The following PLD2 variants were observed in gnomAD, a reference collection of about 807,000 sequenced individuals.
PLD2 encodes phospholipase D2.
In PLD2, 101 loss-of-function variants were observed where a neutral mutation model predicts 119.8. The ratio of observed to expected loss-of-function variants is 0.84; its 90% CI spans 0.72 to 0.99. PLD2 has a LOEUF of 0.99. PLD2 is among the 50% of genes least tolerant of loss of function. The pLI is 0.00. For missense variants in PLD2, 1,164 were observed against 1,226.8 expected (o/e 0.95, Z 0.76); for synonymous variants, 494 against 482.8 (o/e 1.02, Z -0.30).
intron 24 of PLD2, 86 bp from the exon 25 acceptor site, chr17:4,822,554 A>T: frequency 1.2e-6 from 1 of 858,436 alleles, no homozygotes; most frequent in Non-Finnish European, 1.8e-6. Context: ...GAGAGATGGT[A>T]TGGGGGAAGG....
rs770489894 is a variant in PLD2 at position 4,819,164 on chromosome 17, C to T, written c.2254C>T (p.Leu752Phe). The T allele has an allele frequency of 1.9e-5, 30 of 1,614,136 alleles. 1 individual carries two copies. The South Asian group carries it at 3.1e-4, about 17-fold the overall frequency. The change falls in exon 22 of 25, where the codon CTC becomes TTC. Residue 752 changes from leucine to phenylalanine, a missense_variant. Leu to Phe is a conservative substitution (Grantham distance 22). Coordinates refer to ENST00000263088, the MANE Select transcript of PLD2 (RefSeq NM_002663.5). This position sits in a 1 kb window ranked among gnomAD's most constrained non-coding sequence, Gnocchi z 4.2. ...GCTGGGCGGGCACCCCGTCTCGGAG[C>T]TCATCTACATCCACAGCAAGGTGCT... ...GELGGHPVSE[L>F]IYIHSKVLIA...
rs1241568783 is a variant in PLD2, at chr17:4,808,298, G to C, written c.265G>C (p.Val89Leu). ...SKVGTCTLYS[V>L]RLTHGDFSWT... ...GGTGGGAACCTGCACTCTGTATTCT[G>C]TCCGCTTGACTCACGGCGACTTTTC... The change falls in exon 4 of 25, where the codon GTC becomes CTC. Residue 89 changes from valine (V) to leucine (L), a missense_variant. Physicochemically the swap from Val to Leu is conservative, Grantham distance 32. Transcript: ENST00000263088. This position sits in a 1 kb window ranked among gnomAD's most constrained non-coding sequence, Gnocchi z 4.1. The C allele has an allele frequency of 6.2e-7, 1 of 1,614,092 alleles. No individual in the cohort carries two copies. The highest frequency in any genetic ancestry group is 8.5e-7 in the Non-Finnish European group (1 of 1,179,976).
rs200658185 is a variant in PLD2 at position 4,818,027 on chromosome 17, C to A, written c.1841C>A (p.Ser614Ter). 1 of 1,613,694 alleles carries A rather than the reference C, an allele frequency of 6.2e-7. No individual in the cohort carries two copies. Among genetic ancestry groups the A allele is most frequent in the Non-Finnish European group, 8.5e-7 (1 of 1,179,564 alleles). ...VQVLRSVDRW[S>*]AGTLENSILN... ...GTCTTGCGATCAGTGGACCGCTGGT[C>A]AGCAGGGACTCTGGAGAACTCCATC... Residue 614 changes from serine to a stop codon, truncating the protein, a stop_gained, in exon 18 of 25, where the codon TCA (serine) becomes TAA (stop). Transcript: ENST00000263088. LOFTEE classifies it high-confidence loss of function.
rs1907408488 is a variant in PLD2, at chr17:4,819,425, C to G, written c.2309-4C>G. ...GCACACAGTGTGCCCCGCATCCACC[C>G]CAGGTTCTGCAAACATCAATGACCG... On this transcript the variant is annotated splice_polypyrimidine_tract_variant and splice_region_variant and intron_variant, in intron 22 of 24. Transcript: ENST00000263088. This position sits in a 1 kb window ranked among gnomAD's most constrained non-coding sequence, Gnocchi z 4.2. The G allele has an allele frequency of 6.2e-7, 1 of 1,613,048 alleles. No homozygotes were observed. The highest frequency in any genetic ancestry group is 8.5e-7 in the Non-Finnish European group (1 of 1,179,534).
chr17:4,811,297 C>CTTTTT lies in PLD2; in HGVS notation c.1010+363_1010+367dup, dbSNP rs35190261. 8.1e-4 allele frequency among the ~76,000 whole-genome samples: 63 copies of CTTTTT among 77,752 alleles called. 1 individual carries two copies. Among genetic ancestry groups the CTTTTT allele is most frequent in the African/African-American group, 1.7e-3 (35 of 20,400 alleles). The allele number at this position is 77,752 out of a possible 152,430, so 51.0% of individuals were successfully genotyped here. ...CTTCATTTAATAAACATTTTCTTTT[C>CTTTTT]TTTTTTTTTTTTTTTTTTTTTGAGA... On this transcript the variant is annotated intron_variant, in intron 10 of 24. Transcript: ENST00000263088.
At chr17:4,821,195 C>T (rs567287045) in intron 23 of PLD2, among the ~76,000 whole-genome samples, 63 of 124,302 alleles carry the variant, frequency 5.1e-4, no homozygotes, top group African/African-American at 2.2e-3. Context: ...AGCCACCGTG[C>T]CCGGCCAAAA....
At chr17:4,814,364 C>T in intron 10 of PLD2, 54 bp from the exon 11 acceptor site, 1 of 1,565,920 alleles carries the variant, frequency 6.4e-7, no homozygotes, top group East Asian at 2.3e-5. Context: ...CTTCACTCTC[C>T]AGAGCTTTCT....
chr17:4,807,667 G>A lies in PLD2; in HGVS notation c.-1-105G>A. ...CATCCGCGGGCGGTCAGGAGGCCGT[G>A]GGGGAAGAGGAGGATCTGGAAGAGA... On this transcript the variant is annotated intron_variant, in intron 1 of 24. Transcript: ENST00000263088. This position sits in a 1 kb window ranked among gnomAD's most constrained non-coding sequence, Gnocchi z 5.4. 1.4e-6 allele frequency: 1 copy of A among 690,576 alleles called. No individual in the cohort carries two copies. The highest frequency in any genetic ancestry group is 2.5e-6 in the Non-Finnish European group (1 of 398,528). 42.8% of individuals were successfully genotyped at this position (690,576 alleles called of 1,614,324 possible).
Position 4,817,078 on chromosome 17 carries a change from G to A in PLD2, c.1701+23G>A, listed in dbSNP as rs575046098. 4.4e-6 allele frequency: 7 copies of A among 1,608,150 alleles called. No individual in the cohort carries two copies. In the South Asian group the frequency reaches 4.4e-5, roughly 10 times the overall value. ...AAGGTGTTCATTCCCTCCGATAGGG[G>A]CTGGAGGTAGGGAGGGAGCCAGGGC... is the stretch of plus-strand genomic sequence containing the variant. On this transcript the variant is annotated intron_variant, in intron 16 of 24. Transcript: ENST00000263088.
chr17:4,815,693 C>T (rs1161944560), intron 13 of PLD2, 71 bp from the exon 14 acceptor site: 2 of 1,599,860 alleles, frequency 1.3e-6, no homozygotes, highest in Non-Finnish European at 1.7e-6. Context: ...CATCTTTCCT[C>T]TCTCCCTCCC....
At position 4,809,346 on chromosome 17, in the gene PLD2, C is replaced by T. The variant is rs138074240; in HGVS notation, c.538C>T (p.Arg180Cys). 2.7e-4 allele frequency: 431 copies of T among 1,614,030 alleles called. 1 individual carries two copies. The highest frequency in any genetic ancestry group is 1.1e-3 in the African/African-American group (80 of 75,060). ...LNRLLTMSFY[R>C]NYHAMTEFLE... ...CCGTCTCTTGACCATGTCTTTCTAT[C>T]GCAACTACCATGCCATGGTAAGGTC... is the stretch of plus-strand genomic sequence containing the variant. Residue 180 changes from arginine (R) to cysteine (C), a missense_variant, in exon 6 of 25, where the codon CGC (arginine) becomes TGC (cysteine). Physicochemically the swap from Arg to Cys is radical, Grantham distance 180 (BLOSUM62 -3). Coordinates refer to ENST00000263088, the MANE Select transcript of PLD2 (RefSeq NM_002663.5).
intron 9 of PLD2, among the ~76,000 whole-genome samples, chr17:4,810,415 C>T (rs539428533): frequency 2.6e-4 from 40 of 152,176 alleles, no homozygotes; most frequent in African/African-American, 8.2e-4. Flanking sequence ...GAGGCCGAGG[C>T]GGGTGGATCA....
Position 4,819,602 on chromosome 17 carries a change from C to T in PLD2, c.2462+20C>T. The T allele has an allele frequency of 6.3e-7, 1 of 1,593,350 alleles. No homozygotes were observed. Among genetic ancestry groups the T allele is most frequent in the Non-Finnish European group, 8.6e-7 (1 of 1,168,166 alleles). ...CTTCGGGTAGAGCTGGGGCGGGATG[C>T]CACAGGGTGGGAGGGAGATGGGGGC... On this transcript the variant is annotated intron_variant, in intron 23 of 24. Coordinates refer to ENST00000263088, the MANE Select transcript of PLD2 (RefSeq NM_002663.5). This position sits in a 1 kb window ranked among gnomAD's most constrained non-coding sequence, Gnocchi z 4.2.
rs778318804 is a variant in PLD2, at chr17:4,819,384, A to C, written c.2309-45A>C. 1.2e-6 allele frequency: 2 copies of C among 1,608,938 alleles called. No homozygotes were observed. Among genetic ancestry groups the C allele is most frequent in the African/African-American group, 2.7e-5 (2 of 74,622 alleles). ...GTAGAGGGGATGGGGTACTGGGGAG[A>C]GTGCCCTGGGCCCAAGCACACAGTG... On this transcript the variant is annotated intron_variant, in intron 22 of 24. Transcript: ENST00000263088. This position sits in a 1 kb window ranked among gnomAD's most constrained non-coding sequence, Gnocchi z 4.2.
intron 20 of PLD2, 45 bp downstream of exon 20, chr17:4,818,652 C>G (rs759128808): frequency 6.4e-7 from 1 of 1,552,772 alleles, no homozygotes; most frequent in Non-Finnish European, 8.9e-7. Context: ...CCCATCCCAC[C>G]CGTGTCCCCC....
Position 4,822,675 on chromosome 17 carries a change from C to T in PLD2, c.2613C>T (p.Ser871=). 6.2e-7 allele frequency: 1 copy of T among 1,613,858 alleles called. No individual in the cohort carries two copies. The highest frequency in any genetic ancestry group is 8.5e-7 in the Non-Finnish European group (1 of 1,179,880). Residue 871 remains serine, a synonymous_variant, in exon 25 of 25, where the codon TCC becomes TCT. Transcript: ENST00000263088. ...GCCTGCCATCCAATGCCACGCGTTC[C>T]CTGCGGACTCTCCGGGAGTACGTGG... ...FRCLPSNATR[S]LRTLREYVAV... is the part of the protein sequence containing the mutation.
In PLD2 at chr17:4,808,449, C is replaced by A. The variant is rs758830768; in HGVS notation, c.383+33C>A. 1.2e-6 allele frequency: 2 copies of A among 1,601,230 alleles called. No individual in the cohort carries two copies. The highest frequency in any genetic ancestry group is 2.7e-5 in the African/African-American group (2 of 74,764). ...CGACCGGACTGCTTCCTGTAGAGGG[C>A]AGGTGCTCCCCACCCTCCTTTCTGT... On this transcript the variant is annotated intron_variant, in intron 4 of 24. Transcript: ENST00000263088. This position sits in a 1 kb window ranked among gnomAD's most constrained non-coding sequence, Gnocchi z 4.1.
chr17:4,821,965 C>A, intron 24 of PLD2, 58 bp downstream of exon 24: 1 of 1,103,892 alleles, frequency 9.1e-7, no homozygotes, highest in Non-Finnish European at 1.4e-6. Context: ...GATTATCCTG[C>A]TCAGGGTAGG....
intron 12 of PLD2, 86 bp from the exon 13 acceptor site, chr17:4,815,389 AG>A (rs1288496078): frequency 1.2e-6 from 1 of 805,954 alleles, no homozygotes; most frequent in Non-Finnish European, 2.2e-6. Context: ...GACAAGCTGG[AG>A]GGACACACGT....
Sources: gnomAD v4.1 joint callset for allele counts (sites outside exome capture counted in the v4.1 genomes callset) on GRCh38, gnomAD v4.1.1 for gene constraint, Gnocchi (gnomAD v3.1) non-coding constraint, MANE v1.5 for transcripts, NCBI Gene and HGNC (gene_info 2026-07-23, HGNC 2026-07-21) for gene names.